Variants in CASZ1 observed in about 807,000 individuals in gnomAD.
CASZ1 encodes zinc finger protein castor homolog 1.
A neutral mutation model predicts 135.2 loss-of-function variants in CASZ1; 28 were observed. That is an observed-to-expected ratio of 0.21 (90% CI 0.15 to 0.28). The LOEUF (loss-of-function observed/expected upper bound fraction) is 0.28. Ranked by LOEUF, CASZ1 falls within the 10% of genes least tolerant of loss-of-function variation. The pLI, the probability that CASZ1 is intolerant of heterozygous loss-of-function variation, is 1.00. For synonymous variants in CASZ1, 1,068 were observed against 1,073.4 expected, an observed-to-expected ratio of 0.99 and a Z score of 0.10; for missense variants, 2,161 against 2,453.3, an observed-to-expected ratio of 0.88 and a Z score of 2.52.
At chr1:10,693,744 A>G (rs1638839506) in intron 4 of CASZ1, 130 bp downstream of exon 4, 4 of 820,752 alleles carry the variant, frequency 4.9e-6, no homozygotes, top group Non-Finnish European at 4.1e-6. Flanking sequence ...GGACGCCGGG[A>G]GGCAGCCGCC....
chr1:10,654,272 T>TA, intron 10 of CASZ1, 54 bp from the exon 11 acceptor site: 1 of 1,581,210 alleles, frequency 6.3e-7, no homozygotes, highest in Non-Finnish European at 8.6e-7. Context: ...CCCACCCTGC[T>TA]ACACCATGGC....
chr1:10,733,157 C>T (rs1448878597), intron 2 of CASZ1, among the ~76,000 whole-genome samples: 1 of 152,144 alleles, frequency 6.6e-6, no homozygotes, highest in Non-Finnish European at 1.5e-5. Flanking sequence ...AGAGGGCAGG[C>T]CAGGCTTCCC....
chr1:10,737,191 C>A (rs1220357961), intron 2 of CASZ1, among the ~76,000 whole-genome samples: 1 of 152,252 alleles, frequency 6.6e-6, no homozygotes, highest in African/African-American at 2.4e-5. Flanking sequence ...CAGCCACATC[C>A]ATTAGGCCCC....
intron 20 of CASZ1, among the ~76,000 whole-genome samples, chr1:10,640,621 C>G (rs1423432286): frequency 3.3e-5 from 5 of 152,222 alleles, no homozygotes; most frequent in African/African-American, 1.2e-4. Context: ...TAAGGAGCAC[C>G]TTGTCCTTGG....
intron 6 of CASZ1, 41 bp downstream of exon 6, chr1:10,659,661 G>T: frequency 6.5e-7 from 1 of 1,529,428 alleles, no homozygotes; most frequent in Non-Finnish European, 9.1e-7. Flanking sequence ...TGTCTAGTCT[G>T]GCTCCTGGCT....
At chr1:10,703,084 G>A (rs935506179) in intron 3 of CASZ1, among the ~76,000 whole-genome samples, 7 of 151,684 alleles carry the variant, frequency 4.6e-5, no homozygotes, top group African/African-American at 1.7e-4. Flanking sequence ...AAAGAGAGAT[G>A]GACAAAAGGC....
chr1:10,650,521 A>G, intron 13 of CASZ1, 171 bp downstream of exon 13: 1 of 599,580 alleles, frequency 1.7e-6, no homozygotes, highest in Non-Finnish European at 3.0e-6. Flanking sequence ...TTAATTTGTA[A>G]GCAGTGGCTC....
intron 4 of CASZ1, among the ~76,000 whole-genome samples, chr1:10,677,240 G>A (rs1366532682): frequency 6.6e-6 from 1 of 152,192 alleles, no homozygotes; most frequent in African/African-American, 2.4e-5. Context: ...GCTGCTGGAG[G>A]AGGCAGACGG....
At chr1:10,696,474 C>T (rs74624161) in intron 3 of CASZ1, among the ~76,000 whole-genome samples, 2,463 of 152,336 alleles carry the variant, frequency 0.016, 25 homozygotes, top group South Asian at 0.035. Flanking sequence ...CCTCTGCTCC[C>T]GACATGGGAT....
chr1:10,754,580 C>T (rs1201447745), intron 2 of CASZ1, among the ~76,000 whole-genome samples: 2 of 152,192 alleles, frequency 1.3e-5, no homozygotes, highest in Non-Finnish European at 2.9e-5. Flanking sequence ...CCAGGTGCTC[C>T]TCACACCCTC....
chr1:10,656,712 G>A lies in CASZ1; in HGVS notation c.1434C>T (p.Gly478=). The A allele has an allele frequency of 6.2e-7, 1 of 1,600,480 alleles. No homozygotes were observed. The highest frequency in any genetic ancestry group is 2.3e-5 in the East Asian group (1 of 44,412). The change falls in exon 8 of 21, where the codon GGC becomes GGT. Residue 478 remains glycine (G), a synonymous_variant. Coordinates refer to ENST00000377022, the MANE Select transcript of CASZ1 (RefSeq NM_001079843.3). ...IARFSGSQHC[G]HIHCAYQYRE... is the part of the protein sequence containing the mutation. ...GGTACTGGTAGGCACAGTGGATGTGGCCACAGTGCTGGCTGCCCGAGAACC... is the reference window on the plus strand; with the variant it reads ...GGTACTGGTAGGCACAGTGGATGTGACCACAGTGCTGGCTGCCCGAGAACC...
rs1213035033 is a variant in CASZ1, at chr1:10,665,026, TC to T, written c.505+56del. The T allele has an allele frequency of 3.4e-6, 5 of 1,474,158 alleles. No individual in the cohort carries two copies. The African/African-American group carries it at 7.1e-5, about 21-fold the overall frequency. The allele number at this position is 1,474,158 out of a possible 1,614,324, so 91.3% of individuals were successfully genotyped here. On this transcript the variant is annotated intron_variant, in intron 5 of 20. Coordinates refer to ENST00000377022, the MANE Select transcript of CASZ1 (RefSeq NM_001079843.3). ...TGTGCTTACCAGACACACTGCCCCTTCCCCACTGGCCTCCCTGTCCTGGCCT... is the reference window on the plus strand; with the variant it reads ...TGTGCTTACCAGACACACTGCCCCTTCCCACTGGCCTCCCTGTCCTGGCCT...
intron 5 of CASZ1, among the ~76,000 whole-genome samples, chr1:10,662,204 G>A (rs1041745739): frequency 1.4e-5 from 2 of 145,892 alleles, no homozygotes; most frequent in South Asian, 2.2e-4. Flanking sequence ...ATATCCCCAC[G>A]CACAGTCACA....
intron 2 of CASZ1, among the ~76,000 whole-genome samples, chr1:10,745,761 G>A (rs1640027668): frequency 6.6e-6 from 1 of 152,188 alleles, no homozygotes; most frequent in Non-Finnish European, 1.5e-5. Flanking sequence ...ATTATCTCTG[G>A]CCATAGGGCA....
At chr1:10,768,205 C>T (rs907197731) in intron 1 of CASZ1, among the ~76,000 whole-genome samples, 56 of 151,978 alleles carry the variant, frequency 3.7e-4, no homozygotes, top group East Asian at 1.2e-3. Flanking sequence ...CATTATTGTT[C>T]GTTTGTTTGT....
chr1:10,740,077 C>T (rs1639883493), intron 2 of CASZ1, among the ~76,000 whole-genome samples: 1 of 152,240 alleles, frequency 6.6e-6, no homozygotes, highest in Non-Finnish European at 1.5e-5. Flanking sequence ...CTGGCCAGCA[C>T]CAGCCCAGGC....
intron 4 of CASZ1, 95 bp from the exon 5 acceptor site, chr1:10,665,666 C>T (rs1643213416): frequency 2.9e-6 from 4 of 1,371,010 alleles, no homozygotes; most frequent in Non-Finnish European, 9.6e-7. Flanking sequence ...AGCTGCAGGC[C>T]TCCCCCATTG....
At chr1:10,795,276 A>C (rs1045318996) in intron 1 of CASZ1, among the ~76,000 whole-genome samples, 4 of 152,080 alleles carry the variant, frequency 2.6e-5, no homozygotes, top group African/African-American at 9.7e-5. Flanking sequence ...TTTGCCGTTA[A>C]GCCGGACCCT....
At chr1:10,686,508 G>A (rs1029171765) in intron 4 of CASZ1, among the ~76,000 whole-genome samples, 9 of 152,304 alleles carry the variant, frequency 5.9e-5, no homozygotes, top group South Asian at 2.1e-4. Flanking sequence ...GTTCTAAGCC[G>A]AGGACTGGGT....
Sources: allele counts gnomAD v4.1 joint callset (sites outside exome capture counted in the v4.1 genomes callset), GRCh38; gene constraint gnomAD v4.1.1; transcripts MANE v1.5; gene names NCBI Gene and HGNC (gene_info 2026-07-23, HGNC 2026-07-21).